The following ACSL3 variants were observed in gnomAD, a reference collection of about 807,000 sequenced individuals.
The protein encoded by ACSL3 is acyl-CoA synthetase long chain family member 3.
A neutral mutation model predicts 84.7 loss-of-function variants in ACSL3; 34 were observed. That is an observed-to-expected ratio of 0.40 (90% CI 0.31 to 0.53). The LOEUF (loss-of-function observed/expected upper bound fraction) is 0.53. ACSL3 is among the 20% of genes least tolerant of loss of function. The pLI, the probability that ACSL3 is intolerant of heterozygous loss-of-function variation, is 0.48. For synonymous variants in ACSL3, 315 were observed against 299.4 expected, an observed-to-expected ratio of 1.05 and a Z score of -0.54; for missense variants, 680 against 873.1, an observed-to-expected ratio of 0.78 and a Z score of 2.79.
intron 2 of ACSL3, among the ~76,000 whole-genome samples, chr2:222,899,095 A>T (rs1259901559): frequency 6.6e-6 from 1 of 152,122 alleles, no homozygotes; most frequent in Non-Finnish European, 1.5e-5. Context: ...GATATAGAAA[A>T]ATAAACACTG....
chr2:222,866,305 C>T (rs556217025), intron 1 of ACSL3, among the ~76,000 whole-genome samples: 129 of 152,148 alleles, frequency 8.5e-4, no homozygotes, highest in African/African-American at 3.1e-3. Flanking sequence ...ACCACCATGC[C>T]CGGCTAATTT....
At chr2:222,915,062 A>G (rs1423872730) in intron 4 of ACSL3, among the ~76,000 whole-genome samples, 2 of 152,232 alleles carry the variant, frequency 1.3e-5, no homozygotes, top group African/African-American at 4.8e-5. Context: ...TGTCACTTAC[A>G]TATTAGAATC....
chr2:222,916,527 T>A, intron 5 of ACSL3, 31 bp downstream of exon 5: 1 of 1,499,488 alleles, frequency 6.7e-7, no homozygotes, highest in East Asian at 2.3e-5. Flanking sequence ...TCTGGAAGAA[T>A]GAACTTAACT....
chr2:222,878,383 A>C (rs1695507479), intron 1 of ACSL3, among the ~76,000 whole-genome samples: 1 of 152,172 alleles, frequency 6.6e-6, no homozygotes, highest in South Asian at 2.1e-4. Flanking sequence ...AAAGCGATGG[A>C]TTGTTTCAGG....
rs377512888 is a variant in ACSL3 at position 222,922,253 on chromosome 2, G to A, written c.957-455G>A. On this transcript the variant is annotated intron_variant, in intron 8 of 16. Coordinates refer to ENST00000357430, the MANE Select transcript of ACSL3 (RefSeq NM_004457.5). ...CAAGAGTCTTATCTGTAAAATTTCT[G>A]GCAGATAGTTGTGGATTCTACTTTA... 4.1e-3 allele frequency among the ~76,000 whole-genome samples: 622 copies of A among 152,060 alleles called. 2 individuals are homozygous for A. The highest frequency in any genetic ancestry group is 0.02 in the Middle Eastern group (6 of 294).
In ACSL3 at chr2:222,943,085, C is replaced by CAA. The variant is rs11331027; in HGVS notation, c.*1444_*1445dup. The CAA allele has an allele frequency of 6.4e-5, 12 of 188,974 alleles. No individual in the cohort carries two copies. The highest frequency in any genetic ancestry group is 1.1e-4 in the Non-Finnish European group (10 of 94,376). 11.7% of individuals were successfully genotyped at this position (188,974 alleles called of 1,614,324 possible). A position where few individuals can be genotyped will look rare whatever the true frequency, so the allele number is the denominator to read the frequency against. The stretch of plus-strand genomic sequence containing the variant: ...ACTGTAGGCATCAAAAGGCAAAAAT[C>CAA]AAAAAAAAAAAAAACAAAAACAAAA... On this transcript the variant is annotated 3_prime_UTR_variant, in exon 17 of 17. Transcript: ENST00000357430.
chr2:222,877,771 C>T (rs1301027803), intron 1 of ACSL3, among the ~76,000 whole-genome samples: 1 of 152,072 alleles, frequency 6.6e-6, no homozygotes, highest in Non-Finnish European at 1.5e-5. Context: ...TTGGGAATTG[C>T]CCTTGATGCA....
chr2:222,925,929 A>G (rs1181336199), intron 11 of ACSL3, among the ~76,000 whole-genome samples: 1 of 152,228 alleles, frequency 6.6e-6, no homozygotes, highest in Non-Finnish European at 1.5e-5. Flanking sequence ...TATGACATTC[A>G]AAGTATTTTT....
intron 1 of ACSL3, among the ~76,000 whole-genome samples, chr2:222,885,572 T>C (rs2106097891): frequency 6.6e-6 from 1 of 152,320 alleles, no homozygotes; most frequent in Non-Finnish European, 1.5e-5. Flanking sequence ...ATATGAATTA[T>C]ATATAGCACT....
intron 10 of ACSL3, among the ~76,000 whole-genome samples, chr2:222,923,622 A>G (rs1405069121): frequency 6.6e-6 from 1 of 152,152 alleles, no homozygotes; most frequent in Non-Finnish European, 1.5e-5. Context: ...TCCTTACATA[A>G]TATAGGGGCC....
intron 2 of ACSL3, among the ~76,000 whole-genome samples, chr2:222,898,562 A>G (rs1331945357): frequency 6.6e-6 from 1 of 152,214 alleles, no homozygotes; most frequent in Non-Finnish European, 1.5e-5. Context: ...CATGGGCCAC[A>G]TTTAAGAAAC....
intron 16 of ACSL3, 135 bp downstream of exon 16, chr2:222,934,822 A>G (rs1040010831): frequency 1.1e-6 from 1 of 884,266 alleles, no homozygotes; most frequent in Non-Finnish European, 1.6e-6. Flanking sequence ...ATGGAAGAGT[A>G]AACTTATCAG....
intron 13 of ACSL3, among the ~76,000 whole-genome samples, chr2:222,929,913 T>C (rs904868012): frequency 4.7e-5 from 7 of 148,714 alleles, no homozygotes; most frequent in Non-Finnish European, 1.0e-4. Context: ...TCTTAATATG[T>C]AGTAACTCAC....
intron 7 of ACSL3, among the ~76,000 whole-genome samples, chr2:222,920,339 G>C (rs1214893038): frequency 6.6e-6 from 1 of 152,142 alleles, no homozygotes; most frequent in Non-Finnish European, 1.5e-5. Flanking sequence ...GTAGTTCTGG[G>C]AGTGGTTCAG....
intron 14 of ACSL3, among the ~76,000 whole-genome samples, chr2:222,931,492 C>T (rs576934809): frequency 6.6e-6 from 1 of 151,926 alleles, no homozygotes; most frequent in Non-Finnish European, 1.5e-5. Context: ...AGACTGTTCT[C>T]TTCAGTCAGC....
In ACSL3 at chr2:222,927,252, A is replaced by G. The variant is rs1696908014; in HGVS notation, c.1465+63A>G. 9 of 1,553,774 alleles carry G rather than the reference A, an allele frequency of 5.8e-6. No homozygotes were observed. The South Asian group carries it at 9.2e-5, about 16-fold the overall frequency. On this transcript the variant is annotated intron_variant, in intron 12 of 16. Coordinates refer to ENST00000357430, the MANE Select transcript of ACSL3 (RefSeq NM_004457.5). ...CAGACGTTTTTTTGGGGTATGGGAT[A>G]TTTTCTGCAAATATATAGGAGAAGA...
chr2:222,926,918 C>T, intron 11 of ACSL3, 99 bp from the exon 12 acceptor site: 1 of 1,317,792 alleles, frequency 7.6e-7, no homozygotes. Context: ...GTAACTTAAT[C>T]TCAAAATCTC....
chr2:222,935,186 T>A (rs912766783), intron 16 of ACSL3, among the ~76,000 whole-genome samples: 12 of 152,138 alleles, frequency 7.9e-5, no homozygotes, highest in Non-Finnish European at 1.8e-4. Context: ...GCGTGAATTA[T>A]TTTTTATTTT....
intron 11 of ACSL3, among the ~76,000 whole-genome samples, chr2:222,924,974 C>G (rs1216488358): frequency 6.7e-6 from 1 of 150,350 alleles, no homozygotes; most frequent in Non-Finnish European, 1.5e-5. Context: ...TGCAGTGAGC[C>G]AAGATTGCGC....
Sources: allele counts gnomAD v4.1 joint callset (sites outside exome capture counted in the v4.1 genomes callset), GRCh38; gene constraint gnomAD v4.1.1; transcripts MANE v1.5; gene names NCBI Gene and HGNC (gene_info 2026-07-23, HGNC 2026-07-21).